SORL1: variants seen among roughly 807,000 people sequenced by gnomAD.
The protein encoded by SORL1 is sortilin-related receptor.
Under a neutral mutation model 273.7 loss-of-function variants are expected in SORL1, and 127 were observed. The observed-to-expected ratio is 0.46, with a 90% confidence interval of 0.40 to 0.54. The LOEUF is 0.54. SORL1 is among the 20% of genes least tolerant of loss of function. The pLI, the probability that SORL1 is intolerant of heterozygous loss-of-function variation, is 0.00. For synonymous variants in SORL1, 1,031 were observed against 1,067.4 expected (o/e 0.97, Z 0.66); for missense variants, 2,494 against 2,846.1 (o/e 0.88, Z 2.81).
Position 121,522,940 on chromosome 11 carries a change from G to C in SORL1, c.1547G>C (p.Ser516Thr). The change falls in exon 11 of 48, where the codon AGC becomes ACC. Residue 516 changes from serine to threonine, a missense_variant. Physicochemically the swap from Ser to Thr is moderately conservative, Grantham distance 58. Transcript: ENST00000260197. ...ATGSVGKNLA[S>T]KTNVYISSSA... ...GGCTCAGTGGGAAAGAACTTGGCTAGCAAGACAAACGTGTACATCTCTAGC... is the reference window on the plus strand; with the variant it reads ...GGCTCAGTGGGAAAGAACTTGGCTACCAAGACAAACGTGTACATCTCTAGC... 1 of 1,613,894 alleles carries C rather than the reference G, an allele frequency of 6.2e-7. No homozygotes were observed. The highest frequency in any genetic ancestry group is 8.5e-7 in the Non-Finnish European group (1 of 1,179,862).
chr11:121,525,157 T>C (rs925150707), intron 11 of SORL1, among the ~76,000 whole-genome samples: 2 of 152,206 alleles, frequency 1.3e-5, no homozygotes, highest in Admixed American at 1.3e-4. Context: ...CTGTTATTCA[T>C]TGGCATTTTC....
In SORL1 at chr11:121,629,777, A is replaced by G. The variant is rs1863848937; in HGVS notation, c.*214A>G. The G allele has an allele frequency of 1.8e-6, 1 of 552,932 alleles. No individual in the cohort carries two copies. The highest frequency in any genetic ancestry group is 3.4e-5 in the Admixed American group (1 of 29,390). 34.3% of individuals were successfully genotyped at this position (552,932 alleles called of 1,614,324 possible). A position where few individuals can be genotyped will look rare whatever the true frequency, so the allele number is the denominator to read the frequency against. The stretch of plus-strand genomic sequence containing the variant: ...CAAACCAGGTTGATTTTAGTAACCC[A>G]ATTGCTTTGATTTGACATTAATGTA... On this transcript the variant is annotated 3_prime_UTR_variant, in exon 48 of 48. Transcript: ENST00000260197.
At chr11:121,617,163 A>G (rs1311263230) in intron 41 of SORL1, among the ~76,000 whole-genome samples, 1 of 152,210 alleles carries the variant, frequency 6.6e-6, no homozygotes, top group African/African-American at 2.4e-5. Flanking sequence ...TTTCCTATCC[A>G]GATCTTTAAA....
At chr11:121,479,796 T>A (rs764753169) in intron 3 of SORL1, among the ~76,000 whole-genome samples, 1 of 152,186 alleles carries the variant, frequency 6.6e-6, no homozygotes, top group South Asian at 2.1e-4. Flanking sequence ...TGTTAAAATA[T>A]CAGCTCTGCC....
intron 21 of SORL1, among the ~76,000 whole-genome samples, chr11:121,559,986 A>G (rs1476710203): frequency 6.6e-6 from 1 of 152,166 alleles, no homozygotes; most frequent in African/African-American, 2.4e-5. Context: ...CCTGTTTGGC[A>G]TGCTTGCAGG....
At chr11:121,577,004 C>T in intron 24 of SORL1, 1 of 1,422,952 alleles carries the variant, frequency 7.0e-7, no homozygotes, top group Non-Finnish European at 9.6e-7. Flanking sequence ...GTGGAGAGCA[C>T]TGGGATGAAT....
intron 39 of SORL1, chr11:121,612,345 C>G (rs1372000066): frequency 6.1e-6 from 1 of 163,618 alleles, no homozygotes; most frequent in African/African-American, 2.4e-5. Context: ...TGAGATCTAA[C>G]CAGCCTGTTT....
rs574189090 is a variant in SORL1, at chr11:121,488,280, C to T, written c.690+87C>T. On this transcript the variant is annotated intron_variant, in intron 4 of 47. Coordinates refer to ENST00000260197, the MANE Select transcript of SORL1 (RefSeq NM_003105.6). The stretch of plus-strand genomic sequence containing the variant: ...GGATTGTGTGTCCTTTGAGTGACCT[C>T]GCCTCCTGCCTCTCCCTCCTTCTCT... 1.2e-4 allele frequency: 157 copies of T among 1,288,684 alleles called. No individual in the cohort carries two copies. The African/African-American group carries it at 1.7e-3, about 14-fold the overall frequency. The allele number at this position is 1,288,684 out of a possible 1,614,324, so 79.8% of individuals were successfully genotyped here. A position where few individuals can be genotyped will look rare whatever the true frequency, so the allele number is the denominator to read the frequency against.
intron 5 of SORL1, among the ~76,000 whole-genome samples, chr11:121,492,391 C>CAATG (rs965976790): frequency 4.6e-5 from 7 of 151,962 alleles, no homozygotes; most frequent in East Asian, 1.9e-4. Context: ...ATAACTGTCT[C>CAATG]AATGAATGAA....
Position 121,557,303 on chromosome 11 carries a change from GT to G in SORL1, c.2572-6del. 6.2e-7 allele frequency: 1 copy of G among 1,607,642 alleles called. No individual in the cohort carries two copies. The highest frequency in any genetic ancestry group is 8.5e-7 in the Non-Finnish European group (1 of 1,174,122). ...ATCCATCTCAGCCTCTTTTCCCCCT[GT>G]TTTTGTCAGGTAGCTAATCCAGATG... is the stretch of plus-strand genomic sequence containing the variant. On this transcript the variant is annotated splice_polypyrimidine_tract_variant and intron_variant, in intron 18 of 47. Transcript: ENST00000260197.
At chr11:121,541,514 C>G (rs1007958194) in intron 12 of SORL1, among the ~76,000 whole-genome samples, 1 of 152,022 alleles carries the variant, frequency 6.6e-6, no homozygotes, top group Non-Finnish European at 1.5e-5. Context: ...CTAGCCAAAT[C>G]GATTTTAATA....
intron 24 of SORL1, among the ~76,000 whole-genome samples, chr11:121,576,547 AT>A (rs1252881591): frequency 5.9e-5 from 9 of 152,242 alleles, no homozygotes; most frequent in African/African-American, 1.4e-4. Context: ...AAACATTTGA[AT>A]TTTCCTAGCC....
intron 12 of SORL1, among the ~76,000 whole-genome samples, chr11:121,537,082 C>T (rs987827831): frequency 3.9e-5 from 6 of 152,088 alleles, no homozygotes; most frequent in African/African-American, 1.4e-4. Flanking sequence ...AGACCTTGAG[C>T]AAGGGCCAAA....
Position 121,562,241 on chromosome 11 carries a change from C to G in SORL1, c.3049+2584C>G, listed in dbSNP as rs116538221. On this transcript the variant is annotated intron_variant, in intron 21 of 47. Coordinates refer to ENST00000260197, the MANE Select transcript of SORL1 (RefSeq NM_003105.6). ...GCTGAGAAGCAAGATTCCTTCAACTCTCCTTATTTTAAAACAGGTGACTCC... is the reference window on the plus strand; with the variant it reads ...GCTGAGAAGCAAGATTCCTTCAACTGTCCTTATTTTAAAACAGGTGACTCC... Among the ~76,000 whole-genome samples the G allele has an allele frequency of 7.0e-3, 1,068 of 152,262 alleles. 7 individuals are homozygous for G. Among genetic ancestry groups the G allele is most frequent in the African/African-American group, 0.024 (1,004 of 41,530 alleles).
At chr11:121,612,443 C>G (rs568678515) in intron 39 of SORL1, 1 of 250,446 alleles carries the variant, frequency 4.0e-6, no homozygotes, top group Non-Finnish European at 7.9e-6. Flanking sequence ...CCTCTTTCTA[C>G]CTTTATTAAT....
chr11:121,600,827 G>T (rs1018668553), intron 32 of SORL1, among the ~76,000 whole-genome samples: 1 of 152,138 alleles, frequency 6.6e-6, no homozygotes, highest in Non-Finnish European at 1.5e-5. Context: ...TTAATTATCA[G>T]TTTAAGAATT....
intron 32 of SORL1, among the ~76,000 whole-genome samples, chr11:121,599,743 T>C (rs569838896): frequency 5.9e-5 from 9 of 152,086 alleles, no homozygotes; most frequent in African/African-American, 1.9e-4. Flanking sequence ...TTGTCTTCAA[T>C]ATAATTAATT....
chr11:121,613,878 G>C (rs972210827), intron 40 of SORL1, among the ~76,000 whole-genome samples: 21 of 152,182 alleles, frequency 1.4e-4, no homozygotes, highest in Non-Finnish European at 2.8e-4. Flanking sequence ...AAATCTATTA[G>C]GGCTAGTGCG....
chr11:121,619,229 G>A (rs1565356883), intron 42 of SORL1, among the ~76,000 whole-genome samples: 1 of 152,092 alleles, frequency 6.6e-6, no homozygotes, highest in Non-Finnish European at 1.5e-5. Flanking sequence ...AAGATACATG[G>A]TACGTTATTA....
Sources: allele counts gnomAD v4.1 joint callset (sites outside exome capture counted in the v4.1 genomes callset), GRCh38; gene constraint gnomAD v4.1.1; transcripts MANE v1.5; gene names NCBI Gene and HGNC (gene_info 2026-07-23, HGNC 2026-07-21).